The following ARHGAP29 variants were observed in gnomAD, a reference collection of about 807,000 sequenced individuals.
ARHGAP29 encodes Rho GTPase activating protein 29.
Under a neutral mutation model 122.6 loss-of-function variants are expected in ARHGAP29, and 43 were observed. The observed-to-expected ratio is 0.35, with a 90% CI of 0.27 to 0.45. The LOEUF (loss-of-function observed/expected upper bound fraction) is 0.45, where lower values mean the gene tolerates loss of function less well. Among genes scored for constraint, ARHGAP29 ranks in the 20% least tolerant of loss-of-function variants. The pLI is 1.00. For missense variants in ARHGAP29, 1,303 were observed against 1,477.2 expected (o/e 0.88, Z 1.93); for synonymous variants, 506 against 497.1 (o/e 1.02, Z -0.24).
chr1:94,197,407 A>G (rs1320092513), intron 12 of ARHGAP29, among the ~76,000 whole-genome samples: 1 of 152,216 alleles, frequency 6.6e-6, no homozygotes, highest in Admixed American at 6.5e-5. Context: ...AAGCCTAGAC[A>G]CTTTCACTGG....
At position 94,169,556 on chromosome 1, in the gene ARHGAP29, A is replaced by G. The variant is rs919593193; in HGVS notation, c.*4313T>C. 5.3e-5 allele frequency among the ~76,000 whole-genome samples: 8 copies of G among 152,222 alleles called. No individual in the cohort carries two copies. The South Asian group carries it at 6.2e-4, about 12-fold the overall frequency. On this transcript the variant is annotated 3_prime_UTR_variant, in exon 23 of 23. Transcript: ENST00000260526. ...TCAAAGGATTGAATTGAAGGTGTCAATGTGAACTCAAAGTTTTCAATACGT... is the reference window on the plus strand; with the variant it reads ...TCAAAGGATTGAATTGAAGGTGTCAGTGTGAACTCAAAGTTTTCAATACGT...
the ARHGAP29 span, among the ~76,000 whole-genome samples, chr1:94,312,355 G>GTTTTTT: frequency 3.4e-4 from 30 of 88,788 alleles, no homozygotes; most frequent in Non-Finnish European, 5.7e-4. Flanking sequence ...ATTTTTATTT[G>GTTTTTT]TTTTTTTTTT....
Position 94,172,120 on chromosome 1 carries a change from T to C in ARHGAP29, c.*1749A>G, listed in dbSNP as rs887962904. ...TAACCATCAAAATCTGACAGCCCTATGTTTGAGATTTGACTCCACCTGTTA... is the reference window on the plus strand; with the variant it reads ...TAACCATCAAAATCTGACAGCCCTACGTTTGAGATTTGACTCCACCTGTTA... On this transcript the variant is annotated 3_prime_UTR_variant, in exon 23 of 23. Coordinates refer to ENST00000260526, the MANE Select transcript of ARHGAP29 (RefSeq NM_004815.4). 81 of 152,194 alleles carry C rather than the reference T, an allele frequency of 5.3e-4. No homozygotes were observed. Among genetic ancestry groups the C allele is most frequent in the Admixed American group, 5.2e-3 (80 of 15,282 alleles). The allele number at this position is 152,194 out of a possible 1,614,324, so 9.4% of individuals were successfully genotyped here.
At chr1:94,297,547 C>CT in the ARHGAP29 span, among the ~76,000 whole-genome samples, 1 of 152,154 alleles carries the variant, frequency 6.6e-6, no homozygotes, top group African/African-American at 2.4e-5. Flanking sequence ...ATTCCCCTTT[C>CT]TTTTTTCTTA....
Position 94,178,065 on chromosome 1 carries a change from G to T in ARHGAP29, c.2583C>A (p.Thr861=). 6.2e-7 allele frequency: 1 copy of T among 1,614,162 alleles called. No homozygotes were observed. Among genetic ancestry groups the T allele is most frequent in the Non-Finnish European group, 8.5e-7 (1 of 1,180,010 alleles). Residue 861 remains threonine, a synonymous_variant, in exon 21 of 23, where the codon ACC becomes ACA. Coordinates refer to ENST00000260526, the MANE Select transcript of ARHGAP29 (RefSeq NM_004815.4). ...TTGAATACTCTGCAAGGGAGGAGAT[G>T]GTGATAGGAGCAGTTGTGGGCCTTG... The part of the protein sequence containing the change: ...IRPRPTTAPI[T]ISSLAEYSNQ...
the ARHGAP29 span, among the ~76,000 whole-genome samples, chr1:94,293,841 C>G: frequency 6.6e-6 from 1 of 152,156 alleles, no homozygotes; most frequent in Non-Finnish European, 1.5e-5. Context: ...TTTATGAAGG[C>G]TTCATTACAT....
the ARHGAP29 span, chr1:94,302,655 G>T: frequency 2.2e-6 from 1 of 451,218 alleles, no homozygotes; most frequent in Admixed American, 2.4e-5. Flanking sequence ...GTCTACTGGT[G>T]CTGCCAAGGC....
chr1:94,252,261 A>G (rs1001418552), intron 1 of ARHGAP29, among the ~76,000 whole-genome samples: 1 of 152,222 alleles, frequency 6.6e-6, no homozygotes, highest in Non-Finnish European at 1.5e-5. Flanking sequence ...CTTACATTAT[A>G]AAGTTCTGCT....
Position 94,172,037 on chromosome 1 carries a change from A to G in ARHGAP29, c.*1832T>C, listed in dbSNP as rs1648768046. Reference sequence around the variant, plus strand: ...CACAATAAAAATTTTTTAAAGTTGCATTTTCTATTGTTAAAAACTACCAGA... The same window carrying G: ...CACAATAAAAATTTTTTAAAGTTGCGTTTTCTATTGTTAAAAACTACCAGA... On this transcript the variant is annotated 3_prime_UTR_variant, in exon 23 of 23. Coordinates refer to ENST00000260526, the MANE Select transcript of ARHGAP29 (RefSeq NM_004815.4). The G allele has an allele frequency of 6.6e-6, 1 of 152,164 alleles. No individual in the cohort carries two copies. Among genetic ancestry groups the G allele is most frequent in the Admixed American group, 6.5e-5 (1 of 15,274 alleles). The allele number at this position is 152,164 out of a possible 1,614,324, so 9.4% of individuals were successfully genotyped here.
At chr1:94,244,400 A>G (rs895501893) in intron 1 of ARHGAP29, among the ~76,000 whole-genome samples, 5 of 152,102 alleles carry the variant, frequency 3.3e-5, no homozygotes, top group African/African-American at 1.2e-4. Flanking sequence ...AAGATGCAGA[A>G]AAAGCATCTG....
At chr1:94,234,196 C>T (rs1653109390) in intron 1 of ARHGAP29, among the ~76,000 whole-genome samples, 1 of 152,164 alleles carries the variant, frequency 6.6e-6, no homozygotes, top group Admixed American at 6.5e-5. Flanking sequence ...AAATCAAGAC[C>T]ATGTATGTCT....
intron 7 of ARHGAP29, 62 bp from the exon 8 acceptor site, chr1:94,204,056 T>C: frequency 7.6e-7 from 1 of 1,309,218 alleles, no homozygotes; most frequent in Non-Finnish European, 1.1e-6. Context: ...CTGTATACTC[T>C]AAAATTACTT....
At chr1:94,214,173 A>C (rs1020450817) in intron 3 of ARHGAP29, among the ~76,000 whole-genome samples, 1 of 152,172 alleles carries the variant, frequency 6.6e-6, no homozygotes, top group Admixed American at 6.5e-5. Flanking sequence ...CATAAGCAAA[A>C]CAGCATATTA....
intron 2 of ARHGAP29, among the ~76,000 whole-genome samples, chr1:94,229,650 T>C (rs1209918145): frequency 1.3e-5 from 2 of 151,710 alleles, no homozygotes; most frequent in African/African-American, 4.8e-5. Context: ...AATGTCCTTA[T>C]GAATTTTTAA....
chr1:94,208,798 T>G lies in ARHGAP29; in HGVS notation c.510+34A>C, dbSNP rs548043920. Reference sequence around the variant, plus strand: ...TAGTTGAAACATGAAGTTAAAAACATTAAAGACTTTGCTTTCACACAAACT... The same window carrying G: ...TAGTTGAAACATGAAGTTAAAAACAGTAAAGACTTTGCTTTCACACAAACT... On this transcript the variant is annotated intron_variant, in intron 5 of 22. Coordinates refer to ENST00000260526, the MANE Select transcript of ARHGAP29 (RefSeq NM_004815.4). 1.9e-6 allele frequency: 3 copies of G among 1,598,718 alleles called. No individual in the cohort carries two copies. The East Asian group carries it at 6.7e-5, about 36-fold the overall frequency.
chr1:94,287,827 G>A, the ARHGAP29 span, among the ~76,000 whole-genome samples: 2 of 150,660 alleles, frequency 1.3e-5, no homozygotes, highest in Non-Finnish European at 2.9e-5. Context: ...CAAAGGACAT[G>A]AACTCATCCT....
upstream of ARHGAP29, among the ~76,000 whole-genome samples, chr1:94,275,662 T>A (rs1417530193): frequency 6.6e-6 from 1 of 152,052 alleles, no homozygotes; most frequent in Non-Finnish European, 1.5e-5. Flanking sequence ...TAAACTAGTG[T>A]CCAGTAGGGT....
intron 1 of ARHGAP29, among the ~76,000 whole-genome samples, chr1:94,249,206 T>A (rs1253234971): frequency 6.6e-6 from 1 of 152,222 alleles, no homozygotes; most frequent in African/African-American, 2.4e-5. Context: ...CCTATAAATG[T>A]TTCTTCACTA....
the ARHGAP29 span, chr1:94,302,598 T>A: frequency 2.6e-6 from 1 of 380,194 alleles, no homozygotes; most frequent in East Asian, 8.4e-5. Context: ...TCTGGGAAAC[T>A]GTGGTGTGAT....
Sources: allele counts gnomAD v4.1 joint callset (sites outside exome capture counted in the v4.1 genomes callset), GRCh38; gene constraint gnomAD v4.1.1; transcripts MANE v1.5; gene names NCBI Gene and HGNC (gene_info 2026-07-23, HGNC 2026-07-21).